CRTC1: variants seen among roughly 807,000 people sequenced by gnomAD.
CRTC1 encodes CREB regulated transcription coactivator 1.
A neutral mutation model predicts 66.1 loss-of-function variants in CRTC1; 18 were observed. The observed-to-expected ratio is 0.27, with a 90% CI of 0.19 to 0.40. CRTC1 has a LOEUF of 0.40. Among genes scored for constraint, CRTC1 ranks in the 10% least tolerant of loss-of-function variants. The probability of loss-of-function intolerance (pLI) is 1.00; values close to 1 mark genes in which losing one functional copy is unlikely to be tolerated. For missense variants in CRTC1, 669 were observed against 887.9 expected (o/e 0.75, Z 3.13); for synonymous variants, 416 against 398.8 (o/e 1.04, Z -0.51).
intron 1 of CRTC1, among the ~76,000 whole-genome samples, chr19:18,737,774 C>T (rs1015994012): frequency 6.6e-6 from 1 of 151,566 alleles, no homozygotes. Context: ...CTCCCTTTTC[C>T]TCCTCCTCAG....
chr19:18,766,989 C>T (rs947619236), intron 9 of CRTC1, among the ~76,000 whole-genome samples: 2 of 152,130 alleles, frequency 1.3e-5, no homozygotes, highest in Non-Finnish European at 2.9e-5. Flanking sequence ...TTCACCAGTG[C>T]AGCCACCTGT....
chr19:18,774,874 A>C (rs753644234), intron 11 of CRTC1, 26 bp from the exon 12 acceptor site: 9 of 1,607,844 alleles, frequency 5.6e-6, no homozygotes, highest in Admixed American at 3.3e-5. Flanking sequence ...GGCCGTGACC[A>C]CAGCAGGCCT....
intron 2 of CRTC1, 121 bp from the exon 3 acceptor site, chr19:18,745,702 T>C (rs930066814): frequency 1.6e-5 from 20 of 1,288,276 alleles, no homozygotes; most frequent in African/African-American, 5.8e-5. Flanking sequence ...TGTGGAGCGA[T>C]GGCCGAGGGT....
intron 1 of CRTC1, among the ~76,000 whole-genome samples, chr19:18,728,958 G>A (rs1159167572): frequency 1.3e-5 from 2 of 149,920 alleles, no homozygotes; most frequent in African/African-American, 4.9e-5. Flanking sequence ...CATTACAGGT[G>A]CCTGCCATCA....
chr19:18,770,193 G>A (rs2054830275), intron 10 of CRTC1, among the ~76,000 whole-genome samples: 1 of 152,256 alleles, frequency 6.6e-6, no homozygotes. Context: ...GCTGGGCCGT[G>A]CTAGGACAAG....
chr19:18,770,988 G>A (rs1350811640), intron 10 of CRTC1, among the ~76,000 whole-genome samples: 1 of 151,810 alleles, frequency 6.6e-6, no homozygotes, highest in African/African-American at 2.4e-5. Flanking sequence ...GTGTGGGTGT[G>A]CATGCATGGG....
intron 5 of CRTC1, among the ~76,000 whole-genome samples, chr19:18,750,575 G>A (rs370387916): frequency 5.1e-4 from 77 of 152,378 alleles, no homozygotes; most frequent in Middle Eastern, 6.8e-3. Context: ...CTTGAGGCCA[G>A]CCCCAGGGAA....
intron 1 of CRTC1, among the ~76,000 whole-genome samples, chr19:18,724,865 G>A (rs900480280): frequency 5.7e-5 from 8 of 139,852 alleles, no homozygotes; most frequent in South Asian, 2.2e-4. Context: ...TGGGGACACC[G>A]TGAATTCACT....
chr19:18,707,730 C>G (rs2053297512), intron 1 of CRTC1, among the ~76,000 whole-genome samples: 1 of 152,184 alleles, frequency 6.6e-6, no homozygotes, highest in Admixed American at 6.5e-5. Context: ...CACAGTGGTT[C>G]ACGCCTGTAA....
rs944862192 is a variant in CRTC1 at position 18,684,769 on chromosome 19, C to T, written c.126+941C>T. Among the ~76,000 whole-genome samples the T allele has an allele frequency of 2.0e-5, 3 of 152,126 alleles. 1 individual carries two copies. Among genetic ancestry groups the T allele is most frequent in the South Asian group, 4.1e-4 (2 of 4,834 alleles). Reference sequence around the variant, plus strand: ...AGGCCAGGTTCTGCCAGGCTCCTGTCTGGCAGAGCAGATACCCTGCAAATC... The same window carrying T: ...AGGCCAGGTTCTGCCAGGCTCCTGTTTGGCAGAGCAGATACCCTGCAAATC... On this transcript the variant is annotated intron_variant, in intron 1 of 13. Transcript: ENST00000321949.
intron 12 of CRTC1, 60 bp downstream of exon 12, chr19:18,775,046 C>CAGCGAGGG: frequency 6.5e-7 from 1 of 1,526,832 alleles, no homozygotes; most frequent in Non-Finnish European, 8.9e-7. Flanking sequence ...TGCTGGGACC[C>CAGCGAGGG]TCGCTGGGAC....
intron 4 of CRTC1, 32 bp downstream of exon 4, chr19:18,747,146 T>G: frequency 1.3e-6 from 1 of 767,916 alleles, no homozygotes; most frequent in African/African-American, 4.7e-5. Flanking sequence ...CCCCGCCCCC[T>G]TCTTGTTGGA....
At chr19:18,743,088 G>A (rs2054146504) in intron 2 of CRTC1, 62 bp downstream of exon 2, 1 of 1,302,214 alleles carries the variant, frequency 7.7e-7, no homozygotes, top group Non-Finnish European at 1.1e-6. Flanking sequence ...CTCCCACTGG[G>A]GGCCAGACAT....
intron 1 of CRTC1, among the ~76,000 whole-genome samples, chr19:18,731,050 G>T (rs2053877569): frequency 1.3e-5 from 2 of 152,060 alleles, no homozygotes; most frequent in African/African-American, 4.8e-5. Flanking sequence ...TACAATCTTG[G>T]CTCACAGCAC....
chr19:18,699,596 G>A (rs1372479057), intron 1 of CRTC1, among the ~76,000 whole-genome samples: 1 of 152,192 alleles, frequency 6.6e-6, no homozygotes, highest in Non-Finnish European at 1.5e-5. Context: ...TGGCCCCGGA[G>A]ACACCTTGGA....
chr19:18,758,300 C>T (rs941070597), intron 6 of CRTC1, among the ~76,000 whole-genome samples: 11 of 149,770 alleles, frequency 7.3e-5, no homozygotes, highest in African/African-American at 2.7e-4. Flanking sequence ...GCGGAGCTTG[C>T]AGTGAGCTGA....
chr19:18,741,020 C>CA lies in CRTC1; in HGVS notation c.127-1888dup, dbSNP rs1195467780. Among the ~76,000 whole-genome samples, 1 of 152,084 alleles carries CA rather than the reference C, an allele frequency of 6.6e-6. No individual in the cohort carries two copies. Among genetic ancestry groups the CA allele is most frequent in the African/African-American group, 2.4e-5 (1 of 41,410 alleles). On this transcript the variant is annotated intron_variant, in intron 1 of 13. Coordinates refer to ENST00000321949, the MANE Select transcript of CRTC1 (RefSeq NM_015321.3). This position sits in a 1 kb window ranked among gnomAD's most constrained non-coding sequence, Gnocchi z 4.2. Reference sequence around the variant, plus strand: ...ACTCCATCTCAAAAAAACAAACAAACAACAACAACAACAAAAAAGAAAAGC... The same window carrying CA: ...ACTCCATCTCAAAAAAACAAACAAACAAACAACAACAACAAAAAAGAAAAGC...
chr19:18,700,216 C>T (rs926406092), intron 1 of CRTC1, among the ~76,000 whole-genome samples: 7 of 152,154 alleles, frequency 4.6e-5, no homozygotes, highest in African/African-American at 1.7e-4. Context: ...AGTTTCACTC[C>T]GTGGGGTGGG....
intron 1 of CRTC1, among the ~76,000 whole-genome samples, chr19:18,717,891 C>T (rs2145612304): frequency 6.6e-6 from 1 of 152,046 alleles, no homozygotes; most frequent in South Asian, 2.1e-4. Flanking sequence ...CCTTTGACAG[C>T]AGGAAGAGGA....
Sources: allele counts gnomAD v4.1 joint callset (sites outside exome capture counted in the v4.1 genomes callset), GRCh38; gene constraint gnomAD v4.1.1; non-coding constraint Gnocchi (gnomAD v3.1); transcripts MANE v1.5; gene names NCBI Gene and HGNC (gene_info 2026-07-23, HGNC 2026-07-21).